The following SLC28A2 variants were observed in gnomAD, a reference collection of about 807,000 sequenced individuals.
SLC28A2 encodes the protein solute carrier family 28 member 2.
Under a neutral mutation model 72.9 loss-of-function variants are expected in SLC28A2, and 69 were observed. The ratio of observed to expected loss-of-function variants is 0.95; its 90% CI spans 0.78 to 1.16. The LOEUF is 1.16. Among genes scored for constraint, SLC28A2 ranks in the 50% most tolerant of loss-of-function variants. The pLI, the probability that SLC28A2 is intolerant of heterozygous loss-of-function variation, is 0.00. For synonymous variants in SLC28A2, 296 were observed against 294.1 expected, an observed-to-expected ratio of 1.01 and a Z score of -0.07; for missense variants, 745 against 791.1, an observed-to-expected ratio of 0.94 and a Z score of 0.70.
At chr15:45,268,798 A>C (rs924661170) in intron 13 of SLC28A2, among the ~76,000 whole-genome samples, 1 of 152,312 alleles carries the variant, frequency 6.6e-6, no homozygotes, top group African/African-American at 2.4e-5. Flanking sequence ...CTGGATTAAG[A>C]AAATGTGGCA....
chr15:45,267,917 C>CTA (rs1900398146), intron 12 of SLC28A2, 121 bp downstream of exon 12: 1 of 1,254,844 alleles, frequency 8.0e-7, no homozygotes, highest in African/African-American at 1.5e-5. Flanking sequence ...TCCTTCTTGC[C>CTA]TATCTCTGGT....
Position 45,263,138 on chromosome 15 carries a change from G to A in SLC28A2, c.340G>A (p.Val114Met), listed in dbSNP as rs868282464. ...GGCCTTGTTTGTCATCACCTGCTTGGTGATCTTTGTCCTGGTTCACTCGTT... is the reference window on the plus strand; with the variant it reads ...GGCCTTGTTTGTCATCACCTGCTTGATGATCTTTGTCCTGGTTCACTCGTT... ...ALALFVITCLVIFVLVHSFLK... is the reference protein window; with the variant it reads ...ALALFVITCLMIFVLVHSFLK... The change falls in exon 5 of 18, where the codon GTG (valine) becomes ATG (methionine). Residue 114 changes from valine to methionine, a missense_variant. Physicochemically the swap from Val to Met is conservative, Grantham distance 21 (BLOSUM62 1). Transcript: ENST00000347644. The A allele has an allele frequency of 6.2e-7, 1 of 1,613,980 alleles. No individual in the cohort carries two copies. Among genetic ancestry groups the A allele is most frequent in the Non-Finnish European group, 8.5e-7 (1 of 1,179,926 alleles).
intron 17 of SLC28A2, 108 bp downstream of exon 17, chr15:45,272,892 G>T: frequency 1.6e-6 from 1 of 638,044 alleles, no homozygotes; most frequent in South Asian, 1.9e-5. Context: ...ATTGGTAATG[G>T]CCTAGATCAG....
chr15:45,253,712 T>A, intron 3 of SLC28A2, 192 bp downstream of exon 3: 1 of 483,138 alleles, frequency 2.1e-6, no homozygotes, highest in South Asian at 3.7e-5. Context: ...AGTATCAGTG[T>A]TGGTTGGACT....
intron 3 of SLC28A2, among the ~76,000 whole-genome samples, chr15:45,257,654 A>T (rs952742664): frequency 2.6e-5 from 4 of 152,062 alleles, no homozygotes; most frequent in African/African-American, 9.7e-5. Flanking sequence ...ATTAACTCTG[A>T]TGATCTGGGG....
Position 45,268,349 on chromosome 15 carries a change from T to G in SLC28A2, c.1339T>G (p.Leu447Val), listed in dbSNP as rs372505668. The G allele has an allele frequency of 1.4e-4, 226 of 1,603,478 alleles. No homozygotes were observed. The highest frequency in any genetic ancestry group is 1.9e-4 in the Non-Finnish European group (222 of 1,171,424). Residue 447 changes from leucine to valine, a missense_variant, in exon 13 of 18, where the codon TTG becomes GTG. Leu to Val is a conservative substitution (Grantham distance 32). Transcript: ENST00000347644. ...TGCTGCCCTCTCCTGGCTGGGGGAA[T>G]TGGTGGACATACAGGGGCTCACTTT... is the stretch of plus-strand genomic sequence containing the variant. The part of the protein sequence containing the change: ...INAALSWLGE[L>V]VDIQGLTFQV...
Position 45,265,580 on chromosome 15 carries a change from C to T in SLC28A2, c.781-3C>T. On this transcript the variant is annotated splice_polypyrimidine_tract_variant and splice_region_variant and intron_variant, in intron 8 of 17. Coordinates refer to ENST00000347644, the MANE Select transcript of SLC28A2 (RefSeq NM_004212.4). ...TCACCACCTGCTACCATTCTCATTA[C>T]AGGCCTTACCAATCATCATTTTCTT... is the stretch of plus-strand genomic sequence containing the variant. The T allele has an allele frequency of 1.2e-6, 2 of 1,608,384 alleles. No individual in the cohort carries two copies. Among genetic ancestry groups the T allele is most frequent in the Non-Finnish European group, 8.5e-7 (1 of 1,174,796 alleles).
At chr15:45,260,673 G>C (rs1204740474) in intron 3 of SLC28A2, among the ~76,000 whole-genome samples, 2 of 152,068 alleles carry the variant, frequency 1.3e-5, no homozygotes, top group African/African-American at 2.4e-5. Context: ...GAGGCAGGAG[G>C]GTCACTTGAG....
In SLC28A2 at chr15:45,268,244, G is replaced by A. The variant is rs554054744; in HGVS notation, c.1234G>A (p.Gly412Arg). 1.6e-5 allele frequency: 25 copies of A among 1,609,294 alleles called. No homozygotes were observed. Among genetic ancestry groups the A allele is most frequent in the Admixed American group, 5.0e-5 (3 of 59,928 alleles). ...GAATGTCCTGGAAGCTGCCAGCAACGGAGCCGTAGATGCCATAGGCCTTGC... is the reference window on the plus strand; with the variant it reads ...GAATGTCCTGGAAGCTGCCAGCAACAGAGCCGTAGATGCCATAGGCCTTGC... ...ERNVLEAASN[G>R]AVDAIGLATN... is the part of the protein sequence containing the mutation. The change falls in exon 13 of 18, where the codon GGA becomes AGA. Residue 412 changes from glycine (G) to arginine (R), a missense_variant. By Grantham distance (125) the Gly-to-Arg change is moderately radical (BLOSUM62 -2). Coordinates refer to ENST00000347644, the MANE Select transcript of SLC28A2 (RefSeq NM_004212.4).
rs1172196635 is a variant in SLC28A2, at chr15:45,253,424, G to A, written c.82-8G>A. On this transcript the variant is annotated splice_polypyrimidine_tract_variant and splice_region_variant and intron_variant, in intron 2 of 17. Transcript: ENST00000347644. ...CATGACTGATCCCAATGCTCTCTGT[G>A]CTTGTAGGAAAAAGAAGTAGAGCCT... 10 of 1,611,522 alleles carry A rather than the reference G, an allele frequency of 6.2e-6. No homozygotes were observed. The Admixed American group carries it at 1.7e-4, about 27-fold the overall frequency.
intron 17 of SLC28A2, 54 bp downstream of exon 17, chr15:45,272,838 G>C: frequency 1.1e-6 from 1 of 917,368 alleles, no homozygotes; most frequent in Non-Finnish European, 1.8e-6. Context: ...AGGTCTCCAC[G>C]GTAATGCTGT....
chr15:45,270,182 T>C lies in SLC28A2; in HGVS notation c.1567-13T>C, dbSNP rs759458829. Reference sequence around the variant, plus strand: ...ACTGAATTTATTTGCTTATTTATTTTTGTTTTCCCTAGGTGAGAGCTGAAA... The same window carrying C: ...ACTGAATTTATTTGCTTATTTATTTCTGTTTTCCCTAGGTGAGAGCTGAAA... On this transcript the variant is annotated splice_polypyrimidine_tract_variant and intron_variant, in intron 14 of 17. Transcript: ENST00000347644. The C allele has an allele frequency of 6.3e-7, 1 of 1,596,274 alleles. No individual in the cohort carries two copies. Among genetic ancestry groups the C allele is most frequent in the African/African-American group, 1.3e-5 (1 of 74,712 alleles).
At chr15:45,271,399 C>T (rs78878696) in intron 15 of SLC28A2, among the ~76,000 whole-genome samples, 343 of 152,116 alleles carry the variant, frequency 2.3e-3, no homozygotes, top group African/African-American at 7.1e-3. Flanking sequence ...TCTGTCTCTA[C>T]GAAGAATTTG....
chr15:45,252,613 T>A (rs1338507511), intron 1 of SLC28A2, among the ~76,000 whole-genome samples: 2 of 152,274 alleles, frequency 1.3e-5, no homozygotes, highest in Non-Finnish European at 2.9e-5. Flanking sequence ...TTGGGATCAT[T>A]AACATTCATA....
At position 45,277,158 on chromosome 15, in the gene SLC28A2, A is replaced by C. The variant is rs930034498; in HGVS notation, c.*1645A>C. 4 of 151,740 alleles carry C rather than the reference A, an allele frequency of 2.6e-5. No homozygotes were observed. The highest frequency in any genetic ancestry group is 9.7e-5 in the African/African-American group (4 of 41,354). The allele number at this position is 151,740 out of a possible 1,614,324, so 9.4% of individuals were successfully genotyped here. A position where few individuals can be genotyped will look rare whatever the true frequency, so the allele number is the denominator to read the frequency against. On this transcript the variant is annotated 3_prime_UTR_variant, in exon 18 of 18. Coordinates refer to ENST00000347644, the MANE Select transcript of SLC28A2 (RefSeq NM_004212.4). ...GAAGAATTACCTGGTCCCAAACGTC[A>C]ATTGTGCTGAGACTCAGAAACTCTG...
rs1333484813 is a variant in SLC28A2, at chr15:45,277,198, A to G, written c.*1685A>G. 4 of 150,128 alleles carry G rather than the reference A, an allele frequency of 2.7e-5. No individual in the cohort carries two copies. Among genetic ancestry groups the G allele is most frequent in the Non-Finnish European group, 5.9e-5 (4 of 67,644 alleles). 9.3% of individuals were successfully genotyped at this position (150,128 alleles called of 1,614,324 possible). A position where few individuals can be genotyped will look rare whatever the true frequency, so the allele number is the denominator to read the frequency against. ...CAGAAACTCTGATTCAAAATATTTTAGATATTTATTATATTTAATATTATT... is the reference window on the plus strand; with the variant it reads ...CAGAAACTCTGATTCAAAATATTTTGGATATTTATTATATTTAATATTATT... On this transcript the variant is annotated 3_prime_UTR_variant, in exon 18 of 18. Transcript: ENST00000347644.
intron 14 of SLC28A2, 57 bp from the exon 15 acceptor site, chr15:45,270,138 A>G (rs1900500478): frequency 1.7e-6 from 2 of 1,177,902 alleles, no homozygotes; most frequent in Non-Finnish European, 1.3e-6. Context: ...TATTGTGATT[A>G]TAAGACCGCA....
chr15:45,253,459 A>C lies in SLC28A2; in HGVS notation c.109A>C (p.Lys37Gln). 6.2e-7 allele frequency: 1 copy of C among 1,614,024 alleles called. No homozygotes were observed. The highest frequency in any genetic ancestry group is 8.5e-7 in the Non-Finnish European group (1 of 1,179,890). ...AAAAGAAGTAGAGCCTGAGGGAAGC[A>C]AGAGGACTGACGCACAAGGACACAG... ...MEKEVEPEGS[K>Q]RTDAQGHSLG... The change falls in exon 3 of 18, where the codon AAG becomes CAG. Residue 37 changes from lysine (K) to glutamine (Q), a missense_variant. Physicochemically the swap from Lys to Gln is moderately conservative, Grantham distance 53. Transcript: ENST00000347644.
At chr15:45,269,640 T>A (rs1900481273) in intron 14 of SLC28A2, 105 bp downstream of exon 14, 2 of 953,222 alleles carry the variant, frequency 2.1e-6, no homozygotes, top group African/African-American at 3.2e-5. Context: ...TGCAGATGCC[T>A]TTCTGGGGTC....
Sources: allele counts gnomAD v4.1 joint callset (sites outside exome capture counted in the v4.1 genomes callset), GRCh38; gene constraint gnomAD v4.1.1; transcripts MANE v1.5; gene names NCBI Gene and HGNC (gene_info 2026-07-23, HGNC 2026-07-21).